Variants in ASXL1 observed in about 807,000 individuals in gnomAD.
ASXL1 encodes the protein polycomb group protein ASXL1.
Under a neutral mutation model 89.1 loss-of-function variants are expected in ASXL1, and 65 were observed. The observed-to-expected ratio is 0.73, with a 90% CI of 0.60 to 0.90. ASXL1 has a LOEUF of 0.90. ASXL1 is among the 40% of genes least tolerant of loss of function. ASXL1 has a pLI of 0.00. For synonymous variants in ASXL1, 739 were observed against 746.9 expected (o/e 0.99, Z 0.17); for missense variants, 1,786 against 1,942.9 (o/e 0.92, Z 1.52).
chr20:32,414,365 T>A (rs536984341), intron 4 of ASXL1, among the ~76,000 whole-genome samples: 2 of 152,026 alleles, frequency 1.3e-5, no homozygotes, highest in African/African-American at 4.8e-5. Flanking sequence ...GGCCTCTCAT[T>A]TTTAATTTCT....
intron 4 of ASXL1, among the ~76,000 whole-genome samples, chr20:32,383,194 A>G (rs761791280): frequency 6.6e-6 from 1 of 152,174 alleles, no homozygotes; most frequent in Non-Finnish European, 1.5e-5. Flanking sequence ...ATTCTCTTCA[A>G]TGAAAGTTCT....
intron 4 of ASXL1, 165 bp from the exon 5 acceptor site, chr20:32,427,963 T>G: frequency 1.1e-6 from 1 of 949,648 alleles, no homozygotes; most frequent in African/African-American, 1.6e-5. Flanking sequence ...CTTAATGATA[T>G]ATTTATGAAA....
At chr20:32,368,915 T>C in intron 3 of ASXL1, 100 bp from the exon 4 acceptor site, 2 of 931,578 alleles carry the variant, frequency 2.1e-6, no homozygotes, top group Non-Finnish European at 3.3e-6. Flanking sequence ...CTGTATTTCT[T>C]GCTTAGCTTC....
At chr20:32,385,656 A>T (rs2048566855) in intron 4 of ASXL1, among the ~76,000 whole-genome samples, 1 of 151,454 alleles carries the variant, frequency 6.6e-6, no homozygotes, top group African/African-American at 2.4e-5. Context: ...CATTGCCACC[A>T]CCCTATCCTA....
intron 4 of ASXL1, among the ~76,000 whole-genome samples, chr20:32,380,638 T>A (rs1355232688): frequency 1.3e-5 from 2 of 151,828 alleles, no homozygotes; most frequent in Non-Finnish European, 2.9e-5. Flanking sequence ...TAGTTGGAGG[T>A]ACTGGGGGAG....
intron 1 of ASXL1, among the ~76,000 whole-genome samples, chr20:32,362,630 ACT>A (rs942918480): frequency 2.0e-5 from 3 of 152,362 alleles, no homozygotes; most frequent in South Asian, 2.1e-4. Context: ...ACAGAGCAAG[ACT>A]CTGTCTCAAA....
Position 32,435,027 on chromosome 20 carries a change from C to T in ASXL1, c.2315C>T (p.Ala772Val), listed in dbSNP as rs1463010740. 1.9e-6 allele frequency: 3 copies of T among 1,614,042 alleles called. No individual in the cohort carries two copies. The African/African-American group carries it at 4.0e-5, about 22-fold the overall frequency. Residue 772 changes from alanine to valine, a missense_variant, in exon 13 of 13, where the codon GCT becomes GTT. By Grantham distance (64) the Ala-to-Val change is moderately conservative. Transcript: ENST00000375687. ...LPLLSSQTSV[A>V]ERLVEQPQLH... ...CTACTGTCCTCCCAAACCTCAGTAG[C>T]TGAGAGATTAGTGGAGCAGCCTCAG...
At chr20:32,431,730 T>C in intron 10 of ASXL1, 51 bp downstream of exon 10, 1 of 1,569,364 alleles carries the variant, frequency 6.4e-7, no homozygotes, top group Non-Finnish European at 8.7e-7. Flanking sequence ...TGTCGTGTGG[T>C]GTTGCATGTC....
At chr20:32,383,932 A>C (rs2048532531) in intron 4 of ASXL1, among the ~76,000 whole-genome samples, 1 of 152,096 alleles carries the variant, frequency 6.6e-6, no homozygotes, top group African/African-American at 2.4e-5. Flanking sequence ...TCTTTCCTCC[A>C]TCCCAGAGCT....
chr20:32,417,651 C>T (rs1332684653), intron 4 of ASXL1, among the ~76,000 whole-genome samples: 1 of 152,150 alleles, frequency 6.6e-6, no homozygotes, highest in East Asian at 1.9e-4. Context: ...ATTTTAGCCA[C>T]AGTTTTCCAA....
intron 4 of ASXL1, among the ~76,000 whole-genome samples, chr20:32,413,942 C>T (rs1208643503): frequency 6.6e-6 from 1 of 152,164 alleles, no homozygotes. Context: ...TGAGGCCTTA[C>T]ATGTCTTTAT....
chr20:32,403,301 G>A (rs927090525), intron 4 of ASXL1, among the ~76,000 whole-genome samples: 3 of 152,204 alleles, frequency 2.0e-5, no homozygotes, highest in Non-Finnish European at 4.4e-5. Context: ...TTACTGTAAT[G>A]TAGCTGTATA....
chr20:32,402,697 G>A lies in ASXL1; in HGVS notation c.253-25431G>A, dbSNP rs571428728. Reference sequence around the variant, plus strand: ...TCTCATGCCTTAAATTTGCATTTCCGTAGTGGCTAATGATGTTGAATATCT... The same window carrying A: ...TCTCATGCCTTAAATTTGCATTTCCATAGTGGCTAATGATGTTGAATATCT... On this transcript the variant is annotated intron_variant, in intron 4 of 12. Coordinates refer to ENST00000375687, the MANE Select transcript of ASXL1 (RefSeq NM_015338.6). Among the ~76,000 whole-genome samples the A allele has an allele frequency of 1.6e-3, 238 of 152,224 alleles. 4 individuals are homozygous for A. The highest frequency in any genetic ancestry group is 0.014 in the Admixed American group (211 of 15,294).
intron 4 of ASXL1, among the ~76,000 whole-genome samples, chr20:32,380,490 G>A (rs963577768): frequency 6.6e-6 from 1 of 151,944 alleles, no homozygotes; most frequent in Non-Finnish European, 1.5e-5. Flanking sequence ...GGTGTCTTAC[G>A]CCTGTAATCC....
intron 4 of ASXL1, among the ~76,000 whole-genome samples, chr20:32,378,142 A>G (rs1048708001): frequency 1.1e-4 from 14 of 127,258 alleles, no homozygotes; most frequent in African/African-American, 2.3e-4. Context: ...GGTGCGTGCC[A>G]CTGTGGCTGA....
Position 32,379,182 on chromosome 20 carries a change from T to TTTG in ASXL1, c.252+10061_252+10062insGTT, listed in dbSNP as rs2048442843. On this transcript the variant is annotated intron_variant, in intron 4 of 12. Coordinates refer to ENST00000375687, the MANE Select transcript of ASXL1 (RefSeq NM_015338.6). ...CAGTCTTTTTTTTTTTTTTTTTTTT[T>TTTG]TTTTTTTTTTTTTTTTTTTTGAGAC... 9.3e-5 allele frequency among the ~76,000 whole-genome samples: 8 copies of TTTG among 85,648 alleles called. No individual in the cohort carries two copies. The East Asian group carries it at 1.8e-3, about 20-fold the overall frequency. 56.2% of individuals were successfully genotyped at this position (85,648 alleles called of 152,430 possible).
At chr20:32,386,536 GC>G (rs2048581718) in intron 4 of ASXL1, among the ~76,000 whole-genome samples, 4 of 151,978 alleles carry the variant, frequency 2.6e-5, no homozygotes, top group Non-Finnish European at 5.9e-5. Flanking sequence ...TCATGCCTTA[GC>G]CACTGGAATA....
At chr20:32,367,183 C>T (rs982221088) in intron 2 of ASXL1, among the ~76,000 whole-genome samples, 8 of 152,044 alleles carry the variant, frequency 5.3e-5, no homozygotes, top group Non-Finnish European at 1.2e-4. Flanking sequence ...TCGAGACCAG[C>T]CTGGCCAACA....
intron 4 of ASXL1, among the ~76,000 whole-genome samples, chr20:32,420,859 A>G (rs755168704): frequency 1.3e-5 from 2 of 152,228 alleles, no homozygotes; most frequent in African/African-American, 2.4e-5. Context: ...AATATGGCCA[A>G]TAAGCACATT....
Sources: allele counts gnomAD v4.1 joint callset (sites outside exome capture counted in the v4.1 genomes callset), GRCh38; gene constraint gnomAD v4.1.1; transcripts MANE v1.5; gene names NCBI Gene and HGNC (gene_info 2026-07-23, HGNC 2026-07-21).